The following GABRB1 variants were observed in gnomAD, a reference collection of about 807,000 sequenced individuals.
The protein encoded by GABRB1 is gamma-aminobutyric acid type A receptor subunit beta1, also known as gamma-aminobutyric acid receptor subunit beta-1.
Under a neutral mutation model 51.6 loss-of-function variants are expected in GABRB1, and 17 were observed. That is an observed-to-expected ratio of 0.33 (90% CI 0.23 to 0.49). GABRB1 has a LOEUF of 0.49. Among genes scored for constraint, GABRB1 ranks in the 20% least tolerant of loss-of-function variants. GABRB1 has a pLI of 0.99. For synonymous variants in GABRB1, 247 were observed against 218.9 expected (o/e 1.13, Z -1.14); for missense variants, 410 against 600.6 (o/e 0.68, Z 3.32).
chr4:47,225,057 G>A (rs1720900542), intron 4 of GABRB1, among the ~76,000 whole-genome samples: 1 of 152,046 alleles, frequency 6.6e-6, no homozygotes, highest in Admixed American at 6.6e-5. Context: ...ACCATACCGG[G>A]CTAATTTTGG....
intron 5 of GABRB1, among the ~76,000 whole-genome samples, chr4:47,345,160 T>C (rs1430260446): frequency 6.6e-6 from 1 of 152,194 alleles, no homozygotes; most frequent in African/African-American, 2.4e-5. Context: ...GAAGACATAG[T>C]TTTTAGAATT....
chr4:47,300,054 C>T (rs1297535525), intron 4 of GABRB1, among the ~76,000 whole-genome samples: 1 of 129,784 alleles, frequency 7.7e-6, no homozygotes, highest in Non-Finnish European at 1.5e-5. Context: ...AACACATGGA[C>T]ACAGGAAGGG....
At chr4:47,172,488 C>A (rs906560367) in intron 4 of GABRB1, among the ~76,000 whole-genome samples, 1 of 152,088 alleles carries the variant, frequency 6.6e-6, no homozygotes, top group Non-Finnish European at 1.5e-5. Flanking sequence ...TTCCTTACCC[C>A]TGCTTGTAAA....
rs992733187 is a variant in GABRB1, at chr4:47,187,034, G to A, written c.461+25565G>A. On this transcript the variant is annotated intron_variant, in intron 4 of 8. Transcript: ENST00000295454. ...TTAAGTGACTTGCTAAATGTTGCACGCCTAGTAAATATTGGAAGCAGTATG... is the reference window on the plus strand; with the variant it reads ...TTAAGTGACTTGCTAAATGTTGCACACCTAGTAAATATTGGAAGCAGTATG... 5.9e-5 allele frequency among the ~76,000 whole-genome samples: 9 copies of A among 151,934 alleles called. No individual in the cohort carries two copies. In the South Asian group the frequency reaches 1.0e-3, roughly 18 times the overall value.
intron 5 of GABRB1, among the ~76,000 whole-genome samples, chr4:47,386,545 T>G (rs1727800480): frequency 6.6e-6 from 1 of 152,230 alleles, no homozygotes; most frequent in Admixed American, 6.5e-5. Flanking sequence ...CACTGTGATC[T>G]TTGGCTAGCA....
chr4:47,416,524 C>T (rs1457779860), intron 8 of GABRB1, among the ~76,000 whole-genome samples: 2 of 151,102 alleles, frequency 1.3e-5, no homozygotes, highest in Non-Finnish European at 1.5e-5. Flanking sequence ...AATCGTGGCT[C>T]ACTGCAACCT....
chr4:47,017,929 T>A (rs1724798253), intron 1 of GABRB1, among the ~76,000 whole-genome samples: 1 of 152,204 alleles, frequency 6.6e-6, no homozygotes, highest in South Asian at 2.1e-4. Flanking sequence ...ATTATTGACT[T>A]TTCTCTTTCA....
intron 8 of GABRB1, among the ~76,000 whole-genome samples, chr4:47,414,511 G>A (rs1728853407): frequency 1.3e-5 from 2 of 152,276 alleles, no homozygotes; most frequent in South Asian, 2.1e-4. Context: ...AAGCAGAGGG[G>A]TGACTTTGAA....
chr4:47,259,914 T>C (rs1722361038), intron 4 of GABRB1, among the ~76,000 whole-genome samples: 2 of 152,176 alleles, frequency 1.3e-5, no homozygotes, highest in East Asian at 3.8e-4. Context: ...CTGTCTGATG[T>C]TGACAGTGGG....
At chr4:47,101,441 T>G (rs531476584) in intron 3 of GABRB1, among the ~76,000 whole-genome samples, 48 of 152,046 alleles carry the variant, frequency 3.2e-4, no homozygotes, top group Non-Finnish European at 5.9e-4. Context: ...GACATTAATT[T>G]ATTCCATTTT....
At chr4:47,136,033 C>A (rs1716635007) in intron 3 of GABRB1, among the ~76,000 whole-genome samples, 1 of 152,106 alleles carries the variant, frequency 6.6e-6, no homozygotes, top group African/African-American at 2.4e-5. Flanking sequence ...CTCAGTCACC[C>A]AGGCTGGAGT....
chr4:47,146,469 G>A (rs1279100479), intron 3 of GABRB1, among the ~76,000 whole-genome samples: 2 of 151,970 alleles, frequency 1.3e-5, no homozygotes, highest in African/African-American at 2.4e-5. Flanking sequence ...ATGGAGACAG[G>A]AACAGATTTT....
intron 4 of GABRB1, among the ~76,000 whole-genome samples, chr4:47,182,207 T>G (rs546935180): frequency 6.6e-6 from 1 of 152,044 alleles, no homozygotes; most frequent in Non-Finnish European, 1.5e-5. Flanking sequence ...CTGGGATCGC[T>G]CAGAAAAGCA....
At chr4:47,212,876 A>G (rs965765928) in intron 4 of GABRB1, among the ~76,000 whole-genome samples, 1 of 152,188 alleles carries the variant, frequency 6.6e-6, no homozygotes, top group Admixed American at 6.5e-5. Context: ...TGCAGTGGCA[A>G]AAGACTTAAG....
chr4:47,261,823 T>C (rs1350530366), intron 4 of GABRB1, among the ~76,000 whole-genome samples: 1 of 152,174 alleles, frequency 6.6e-6, no homozygotes, highest in African/African-American at 2.4e-5. Context: ...CAAAACAGCA[T>C]GGTACTTTTA....
intron 3 of GABRB1, among the ~76,000 whole-genome samples, chr4:47,036,826 G>A (rs1466698208): frequency 6.6e-6 from 1 of 151,342 alleles, no homozygotes; most frequent in Non-Finnish European, 1.5e-5. Flanking sequence ...TCGTGCCACT[G>A]TGCTCCAGCC....
intron 4 of GABRB1, among the ~76,000 whole-genome samples, chr4:47,231,115 C>T (rs975905496): frequency 2.4e-4 from 36 of 152,180 alleles, no homozygotes; most frequent in African/African-American, 8.7e-4. Flanking sequence ...CTTTGTCCCT[C>T]CTAAAGCCAC....
At chr4:47,030,539 T>C (rs757669967), upstream of GABRB1, among the ~76,000 whole-genome samples, 2 of 152,168 alleles carry the variant, frequency 1.3e-5, no homozygotes, top group Non-Finnish European at 2.9e-5. Flanking sequence ...AAGAACCCTT[T>C]TTGAATCAGT....
intron 5 of GABRB1, among the ~76,000 whole-genome samples, chr4:47,390,911 G>T (rs1012398518): frequency 1.3e-5 from 2 of 152,050 alleles, no homozygotes; most frequent in East Asian, 1.9e-4. Context: ...GGCACGGTGG[G>T]TCATGCCTCT....
Sources: allele counts gnomAD v4.1 joint callset (sites outside exome capture counted in the v4.1 genomes callset), GRCh38; gene constraint gnomAD v4.1.1; transcripts MANE v1.5; gene names NCBI Gene and HGNC (gene_info 2026-07-23, HGNC 2026-07-21).